The following NKAIN3 variants were observed in gnomAD, a reference collection of about 807,000 sequenced individuals.
NKAIN3 encodes sodium/potassium-transporting ATPase subunit beta-1-interacting protein 3.
In NKAIN3, 25 loss-of-function variants were observed where a neutral mutation model predicts 30.2. The observed-to-expected ratio is 0.83, with a 90% CI of 0.60 to 1.16. NKAIN3 has a LOEUF of 1.16. Ranked by LOEUF, NKAIN3 falls within the 50% of genes most tolerant of loss-of-function variation. The pLI, the probability that NKAIN3 is intolerant of heterozygous loss-of-function variation, is 0.00. For missense variants in NKAIN3, 225 were observed against 254.1 expected (o/e 0.89, Z 0.78); for synonymous variants, 91 against 89.6 (o/e 1.02, Z -0.09).
chr8:62,496,081 G>A (rs1486934265), intron 1 of NKAIN3, among the ~76,000 whole-genome samples: 1 of 152,070 alleles, frequency 6.6e-6, no homozygotes, highest in Non-Finnish European at 1.5e-5. Flanking sequence ...CTTTTATTAA[G>A]ATCATCATGC....
At chr8:62,408,197 C>T (rs1458524183) in intron 1 of NKAIN3, among the ~76,000 whole-genome samples, 3 of 152,278 alleles carry the variant, frequency 2.0e-5, no homozygotes, top group Middle Eastern at 3.4e-3. Flanking sequence ...TACAGCTCTA[C>T]TTATTCATCA....
intron 4 of NKAIN3, among the ~76,000 whole-genome samples, chr8:62,848,249 T>A (rs189872884): frequency 3.5e-4 from 54 of 152,358 alleles, no homozygotes; most frequent in African/African-American, 1.1e-3. Flanking sequence ...GCACTGAATC[T>A]ATAAATTGCT....
intron 1 of NKAIN3, among the ~76,000 whole-genome samples, chr8:62,399,560 G>C (rs2129595130): frequency 6.6e-6 from 1 of 152,260 alleles, no homozygotes; most frequent in Admixed American, 6.5e-5. Flanking sequence ...GCTGAGATTT[G>C]CTTAAACAAG....
intron 1 of NKAIN3, among the ~76,000 whole-genome samples, chr8:62,279,082 A>G (rs1813077091): frequency 6.6e-6 from 1 of 152,082 alleles, no homozygotes; most frequent in African/African-American, 2.4e-5. Flanking sequence ...AACTGGTGTG[A>G]GATTGTGTCT....
chr8:62,705,041 A>T (rs1489321604), intron 3 of NKAIN3, among the ~76,000 whole-genome samples: 8 of 152,162 alleles, frequency 5.3e-5, no homozygotes, highest in Admixed American at 5.2e-4. Context: ...TGCTGAGAAC[A>T]ATGATTTGGT....
intron 1 of NKAIN3, among the ~76,000 whole-genome samples, chr8:62,372,496 C>G (rs539921991): frequency 1.3e-5 from 2 of 151,804 alleles, no homozygotes; most frequent in Non-Finnish European, 2.9e-5. Flanking sequence ...AAGTGAATAC[C>G]TTTAGACATT....
chr8:62,544,656 C>T (rs1808951885), intron 1 of NKAIN3, among the ~76,000 whole-genome samples: 1 of 151,442 alleles, frequency 6.6e-6, no homozygotes, highest in South Asian at 2.1e-4. Flanking sequence ...AGTATAGCCT[C>T]TTTAAAGTTT....
chr8:62,785,881 T>G (rs1004798933), intron 4 of NKAIN3, among the ~76,000 whole-genome samples: 2 of 152,160 alleles, frequency 1.3e-5, no homozygotes, highest in Non-Finnish European at 2.9e-5. Flanking sequence ...TAAATCCAGT[T>G]GAAGAGCATG....
At chr8:62,618,885 G>A (rs1811542144) in intron 3 of NKAIN3, among the ~76,000 whole-genome samples, 1 of 151,930 alleles carries the variant, frequency 6.6e-6, no homozygotes, top group South Asian at 2.1e-4. Flanking sequence ...CAGCCTGGGC[G>A]ACAGAGTGAG....
chr8:62,628,395 G>A (rs756482394), intron 3 of NKAIN3, among the ~76,000 whole-genome samples: 20 of 152,078 alleles, frequency 1.3e-4, no homozygotes, highest in South Asian at 2.1e-4. Flanking sequence ...TTTGCACAGC[G>A]AATTTTGCAC....
intron 1 of NKAIN3, among the ~76,000 whole-genome samples, chr8:62,549,807 T>G (rs1229860704): frequency 6.6e-6 from 1 of 151,448 alleles, no homozygotes; most frequent in East Asian, 1.9e-4. Flanking sequence ...AAGGTGATAT[T>G]TACATATTCA....
intron 4 of NKAIN3, among the ~76,000 whole-genome samples, chr8:62,852,634 A>T (rs1469010952): frequency 1.3e-5 from 2 of 152,140 alleles, no homozygotes; most frequent in Non-Finnish European, 2.9e-5. Flanking sequence ...AATGTGTCCC[A>T]AAGATTCTGG....
At chr8:62,753,029 G>T (rs961838997) in intron 4 of NKAIN3, among the ~76,000 whole-genome samples, 1 of 152,036 alleles carries the variant, frequency 6.6e-6, no homozygotes, top group Non-Finnish European at 1.5e-5. Flanking sequence ...TCTTTATTTT[G>T]AGAGTTATTT....
intron 4 of NKAIN3, among the ~76,000 whole-genome samples, chr8:62,798,156 G>GA (rs1490300464): frequency 1.3e-5 from 2 of 152,130 alleles, no homozygotes; most frequent in Non-Finnish European, 2.9e-5. Flanking sequence ...CATGATGTGA[G>GA]AAAAGAGACC....
intron 3 of NKAIN3, among the ~76,000 whole-genome samples, chr8:62,656,472 G>A (rs922516393): frequency 9.9e-5 from 15 of 151,324 alleles, no homozygotes; most frequent in Non-Finnish European, 1.2e-4. Context: ...AAAAATAAAA[G>A]AACAAAGAAA....
At chr8:62,787,764 G>A (rs1291384482) in intron 4 of NKAIN3, among the ~76,000 whole-genome samples, 5 of 152,004 alleles carry the variant, frequency 3.3e-5, no homozygotes, top group Admixed American at 2.6e-4. Flanking sequence ...CCACCTATGA[G>A]TGAGAACATG....
intron 4 of NKAIN3, among the ~76,000 whole-genome samples, chr8:62,755,266 C>T (rs541701151): frequency 2.0e-5 from 3 of 152,278 alleles, no homozygotes; most frequent in East Asian, 3.9e-4. Context: ...GAGGACTTCT[C>T]CTTGCAACAC....
chr8:62,298,297 A>G (rs1027635923), intron 1 of NKAIN3, among the ~76,000 whole-genome samples: 5 of 152,182 alleles, frequency 3.3e-5, no homozygotes, highest in Non-Finnish European at 5.9e-5. Flanking sequence ...CGTTGTGCAT[A>G]TGTACCCTAA....
At chr8:62,637,366 G>A (rs1166357776) in intron 3 of NKAIN3, among the ~76,000 whole-genome samples, 1 of 152,166 alleles carries the variant, frequency 6.6e-6, no homozygotes, top group African/African-American at 2.4e-5. Context: ...AACCTTGCTG[G>A]ACCAGGTGGT....
Sources: allele counts gnomAD v4.1 joint callset (sites outside exome capture counted in the v4.1 genomes callset), GRCh38; gene constraint gnomAD v4.1.1; transcripts MANE v1.5; gene names NCBI Gene and HGNC (gene_info 2026-07-23, HGNC 2026-07-21).